GRID1: variants seen among roughly 807,000 people sequenced by gnomAD.
The protein encoded by GRID1 is glutamate ionotropic receptor delta type subunit 1.
GRID1 carries 28 observed loss-of-function variants against 98.0 expected under a neutral mutation model. That is an observed-to-expected ratio of 0.29 (90% confidence interval 0.21 to 0.39). GRID1 has a LOEUF of 0.39. Ranked by LOEUF, GRID1 falls within the 10% of genes least tolerant of loss-of-function variation. The pLI, the probability that GRID1 is intolerant of heterozygous loss-of-function variation, is 1.00. For missense variants in GRID1, 1,111 were observed against 1,340.5 expected (o/e 0.83, Z 2.67); for synonymous variants, 553 against 538.5 (o/e 1.03, Z -0.37).
intron 2 of GRID1, among the ~76,000 whole-genome samples, chr10:86,332,725 A>C (rs2132103845): frequency 6.6e-6 from 1 of 151,980 alleles, no homozygotes; most frequent in South Asian, 2.1e-4. Flanking sequence ...AGGTCCCCCA[A>C]GTACCCCAAA....
intron 4 of GRID1, among the ~76,000 whole-genome samples, chr10:85,948,354 G>T (rs893998682): frequency 4.6e-5 from 7 of 152,226 alleles, no homozygotes; most frequent in African/African-American, 1.7e-4. Context: ...AGGATGAAGT[G>T]GTTGAGGATG....
At chr10:86,246,852 A>G (rs1214719900) in intron 2 of GRID1, among the ~76,000 whole-genome samples, 1 of 152,202 alleles carries the variant, frequency 6.6e-6, no homozygotes, top group Non-Finnish European at 1.5e-5. Context: ...TCCCCACTCA[A>G]TTTCAGTAAC....
intron 3 of GRID1, among the ~76,000 whole-genome samples, chr10:86,178,636 G>C (rs1422058525): frequency 2.6e-5 from 4 of 152,154 alleles, no homozygotes; most frequent in Admixed American, 6.5e-5. Flanking sequence ...TCTACACACA[G>C]AGAACTACGG....
intron 3 of GRID1, among the ~76,000 whole-genome samples, chr10:86,203,039 C>T (rs1323727123): frequency 4.6e-5 from 7 of 152,180 alleles, no homozygotes; most frequent in Admixed American, 4.6e-4. Context: ...AAGAACCTTT[C>T]TGAGCCTCAT....
chr10:85,797,102 C>G (rs1355630322), intron 8 of GRID1, among the ~76,000 whole-genome samples: 2 of 151,864 alleles, frequency 1.3e-5, no homozygotes, highest in East Asian at 1.9e-4. Context: ...ATATAAGAAA[C>G]CAAAATGGGA....
At chr10:85,934,247 C>T (rs957303208) in intron 4 of GRID1, among the ~76,000 whole-genome samples, 7 of 151,748 alleles carry the variant, frequency 4.6e-5, no homozygotes, top group African/African-American at 1.7e-4. Flanking sequence ...TTTGGGTAGA[C>T]CTAAAGGAAG....
intron 5 of GRID1, among the ~76,000 whole-genome samples, chr10:85,890,881 T>G (rs988029216): frequency 2.6e-5 from 4 of 152,220 alleles, no homozygotes; most frequent in African/African-American, 9.6e-5. Flanking sequence ...TTTTAAACTA[T>G]GACCTGAGTA....
intron 5 of GRID1, among the ~76,000 whole-genome samples, chr10:85,889,584 T>C (rs1841165426): frequency 6.6e-6 from 1 of 152,214 alleles, no homozygotes; most frequent in African/African-American, 2.4e-5. Flanking sequence ...CATTCATCTG[T>C]TGATGGACAC....
chr10:86,132,179 C>T lies in GRID1; in HGVS notation c.726+6640G>A, dbSNP rs148237449. Among the ~76,000 whole-genome samples, 10 of 152,182 alleles carry T rather than the reference C, an allele frequency of 6.6e-5. 1 individual carries two copies. The East Asian group carries it at 1.9e-3, about 30-fold the overall frequency. On this transcript the variant is annotated intron_variant, in intron 4 of 15. Coordinates refer to ENST00000327946, the MANE Select transcript of GRID1 (RefSeq NM_017551.3). ...GCTGACACCGGGACAGAGCTCACAG[C>T]AGCTTCCCCAGCACTCAGGGGCTTT...
intron 15 of GRID1, among the ~76,000 whole-genome samples, chr10:85,611,086 G>A (rs955355051): frequency 6.6e-6 from 1 of 152,154 alleles, no homozygotes; most frequent in Non-Finnish European, 1.5e-5. Context: ...GGCAAGAAAG[G>A]AGCTGTTCCT....
At chr10:86,096,574 C>T (rs116896935) in intron 4 of GRID1, among the ~76,000 whole-genome samples, 2 of 152,204 alleles carry the variant, frequency 1.3e-5, no homozygotes, top group East Asian at 1.9e-4. Context: ...AGCTACCATC[C>T]GTGGACTTAT....
chr10:86,360,603 T>G (rs990777572), intron 2 of GRID1, among the ~76,000 whole-genome samples: 9 of 152,214 alleles, frequency 5.9e-5, no homozygotes, highest in African/African-American at 1.9e-4. Context: ...GCTGAAAATA[T>G]CAACGGCCTC....
chr10:85,733,989 G>T (rs934661694), intron 8 of GRID1, among the ~76,000 whole-genome samples: 1 of 152,106 alleles, frequency 6.6e-6, no homozygotes, highest in Admixed American at 6.5e-5. Context: ...AACTAGCATA[G>T]ATGATTAAGC....
At chr10:86,079,778 A>G (rs930746649) in intron 4 of GRID1, among the ~76,000 whole-genome samples, 5 of 152,200 alleles carry the variant, frequency 3.3e-5, no homozygotes. Context: ...CATGTCAGAC[A>G]CTTAAACAGG....
At chr10:85,667,250 T>C (rs1194007462) in intron 12 of GRID1, among the ~76,000 whole-genome samples, 1 of 152,028 alleles carries the variant, frequency 6.6e-6, no homozygotes, top group Non-Finnish European at 1.5e-5. Context: ...CCCCGCATCC[T>C]CTGGGACTTT....
chr10:86,365,493 A>G lies in GRID1; in HGVS notation c.79+821T>C, dbSNP rs965471076. Among the ~76,000 whole-genome samples the G allele has an allele frequency of 1.4e-5, 2 of 142,132 alleles. No homozygotes were observed. The highest frequency in any genetic ancestry group is 5.4e-5 in the African/African-American group (2 of 37,344). 93.2% of individuals were successfully genotyped at this position (142,132 alleles called of 152,430 possible). ...GCGCCCCCTCCTCCTCTGCGCTTTCATCTTCTCTCCCGGTTCTCTCTCTCT... is the reference window on the plus strand; with the variant it reads ...GCGCCCCCTCCTCCTCTGCGCTTTCGTCTTCTCTCCCGGTTCTCTCTCTCT... On this transcript the variant is annotated intron_variant, in intron 1 of 15. Transcript: ENST00000327946. This position sits in a 1 kb window ranked among gnomAD's most constrained non-coding sequence, Gnocchi z 4.8.
chr10:85,629,223 T>C (rs536983972), intron 13 of GRID1, among the ~76,000 whole-genome samples: 1 of 152,336 alleles, frequency 6.6e-6, no homozygotes. Context: ...CATGAGTTCC[T>C]TTTCTTTGTT....
intron 8 of GRID1, among the ~76,000 whole-genome samples, chr10:85,749,823 T>C (rs1842029730): frequency 6.6e-6 from 1 of 152,200 alleles, no homozygotes; most frequent in Non-Finnish European, 1.5e-5. Context: ...CATTAGTCAG[T>C]TATCATTTTC....
At chr10:86,363,645 C>T (rs1848633577) in intron 2 of GRID1, among the ~76,000 whole-genome samples, 1 of 152,120 alleles carries the variant, frequency 6.6e-6, no homozygotes, top group South Asian at 2.1e-4. Flanking sequence ...CGCACGCCTG[C>T]GCGGCCAGCG....
Sources: allele counts gnomAD v4.1 joint callset (sites outside exome capture counted in the v4.1 genomes callset), GRCh38; gene constraint gnomAD v4.1.1; non-coding constraint Gnocchi (gnomAD v3.1); transcripts MANE v1.5; gene names NCBI Gene and HGNC (gene_info 2026-07-23, HGNC 2026-07-21).